Variants in DDR2 observed in about 807,000 individuals in gnomAD.
The protein encoded by DDR2 is discoidin domain-containing receptor 2.
In DDR2, 27 loss-of-function variants were observed where a neutral mutation model predicts 94.9. The ratio of observed to expected loss-of-function variants is 0.28; its 90% CI spans 0.21 to 0.39. DDR2 has a LOEUF of 0.39. Ranked by LOEUF, DDR2 falls within the 10% of genes least tolerant of loss-of-function variation. The pLI is 1.00. For missense variants in DDR2, 783 were observed against 1,076.0 expected, an observed-to-expected ratio of 0.73 and a Z score of 3.81; for synonymous variants, 382 against 377.2, an observed-to-expected ratio of 1.01 and a Z score of -0.15.
At chr1:162,750,016 G>T (rs1663100466) in intron 3 of DDR2, among the ~76,000 whole-genome samples, 1 of 151,776 alleles carries the variant, frequency 6.6e-6, no homozygotes, top group Non-Finnish European at 1.5e-5. Flanking sequence ...AGCTATTTAT[G>T]ACAAACGCAC....
rs189470987 is a variant in DDR2, at chr1:162,636,569, C to T, written c.-192+3938C>T. ...CATGTGATAAATAGAACTTCAGATG[C>T]GTGATGTAGTGAAAAGAACATGTAG... On this transcript the variant is annotated intron_variant, in intron 1 of 17. Transcript: ENST00000367921. Among the ~76,000 whole-genome samples, 20 of 152,226 alleles carry T rather than the reference C, an allele frequency of 1.3e-4. No individual in the cohort carries two copies. In the East Asian group the frequency reaches 2.3e-3, roughly 18 times the overall value.
intron 3 of DDR2, among the ~76,000 whole-genome samples, chr1:162,740,082 A>AT (rs1295934989): frequency 6.6e-6 from 1 of 152,036 alleles, no homozygotes; most frequent in Non-Finnish European, 1.5e-5. Context: ...TTAAATAAAT[A>AT]TTTTTAAATA....
chr1:162,756,118 G>A (rs1663453581), intron 7 of DDR2, among the ~76,000 whole-genome samples: 1 of 152,138 alleles, frequency 6.6e-6, no homozygotes. Flanking sequence ...AAGGGCCAGA[G>A]AATTGAAGTA....
intron 2 of DDR2, among the ~76,000 whole-genome samples, chr1:162,698,103 A>T (rs561338419): frequency 1.3e-5 from 2 of 152,340 alleles, no homozygotes; most frequent in South Asian, 2.1e-4. Context: ...CTGCTTATCT[A>T]TCTGCAGCAA....
chr1:162,758,517 T>A (rs1227768866), intron 7 of DDR2, among the ~76,000 whole-genome samples: 2 of 152,180 alleles, frequency 1.3e-5, no homozygotes, highest in Admixed American at 6.5e-5. Flanking sequence ...TGGGATTTAT[T>A]TTTCTGAGGA....
At chr1:162,681,722 C>G (rs1448731750) in intron 2 of DDR2, among the ~76,000 whole-genome samples, 3 of 152,066 alleles carry the variant, frequency 2.0e-5, no homozygotes. Flanking sequence ...CTAGTCTTAT[C>G]CACAAGAGCT....
At chr1:162,698,580 A>T (rs1660294098) in intron 2 of DDR2, among the ~76,000 whole-genome samples, 1 of 152,110 alleles carries the variant, frequency 6.6e-6, no homozygotes, top group Non-Finnish European at 1.5e-5. Context: ...CTGGGTTGAA[A>T]TCTAGCACTA....
chr1:162,744,207 T>C (rs2333), intron 3 of DDR2, among the ~76,000 whole-genome samples: 124,249 of 151,888 alleles, frequency 0.82, 52,183 homozygotes, highest in Non-Finnish European at 0.92. Flanking sequence ...AAGTGTAATA[T>C]ACCGTATCGT....
intron 2 of DDR2, among the ~76,000 whole-genome samples, chr1:162,708,382 TA>T (rs1367419610): frequency 6.6e-6 from 1 of 152,164 alleles, no homozygotes; most frequent in Non-Finnish European, 1.5e-5. Flanking sequence ...GCACTAAAAG[TA>T]AGCAGCCCTT....
rs542741243 is a variant in DDR2 at position 162,676,356 on chromosome 1, A to G, written c.-28+20982A>G. ...TTCTCCCTCCTTATGCCCACACAGCACTTTCCTCTACAACAATTGTTACAC... is the reference window on the plus strand; with the variant it reads ...TTCTCCCTCCTTATGCCCACACAGCGCTTTCCTCTACAACAATTGTTACAC... On this transcript the variant is annotated intron_variant, in intron 2 of 17. Coordinates refer to ENST00000367921, the MANE Select transcript of DDR2 (RefSeq NM_006182.4). Among the ~76,000 whole-genome samples the G allele has an allele frequency of 2.2e-4, 33 of 152,240 alleles. No homozygotes were observed. The South Asian group carries it at 6.8e-3, about 32-fold the overall frequency.
chr1:162,642,919 TC>T (rs1396614471), intron 1 of DDR2, among the ~76,000 whole-genome samples: 1 of 152,232 alleles, frequency 6.6e-6, no homozygotes, highest in Non-Finnish European at 1.5e-5. Context: ...TGAAAAATTT[TC>T]TAAGCCTTTT....
At chr1:162,753,705 C>G (rs1462203742) in intron 4 of DDR2, among the ~76,000 whole-genome samples, 1 of 152,158 alleles carries the variant, frequency 6.6e-6, no homozygotes, top group East Asian at 1.9e-4. Context: ...GAAGGGCCAT[C>G]CTTGCCAACA....
At chr1:162,712,178 T>G (rs1660947654) in intron 2 of DDR2, among the ~76,000 whole-genome samples, 2 of 149,510 alleles carry the variant, frequency 1.3e-5, no homozygotes, top group South Asian at 4.4e-4. Flanking sequence ...TATGGTGTCA[T>G]GTGTGTACAA....
At chr1:162,673,690 A>T (rs1196021463) in intron 2 of DDR2, among the ~76,000 whole-genome samples, 4 of 151,726 alleles carry the variant, frequency 2.6e-5, no homozygotes, top group Non-Finnish European at 5.9e-5. Context: ...ACTCTCAATG[A>T]TTCAGATCTC....
intron 1 of DDR2, among the ~76,000 whole-genome samples, chr1:162,651,313 T>C (rs1262994536): frequency 6.6e-6 from 1 of 152,238 alleles, no homozygotes; most frequent in East Asian, 1.9e-4. Context: ...GTTCCTGTCC[T>C]CCCACCAACT....
chr1:162,767,135 AC>A (rs1664033973), intron 10 of DDR2, 93 bp from the exon 11 acceptor site: 7 of 1,573,788 alleles, frequency 4.4e-6, no homozygotes, highest in Non-Finnish European at 5.2e-6. Context: ...TCCTCAAGGA[AC>A]AGGGTCTACC....
chr1:162,765,793 AAC>A (rs1415897409), intron 9 of DDR2, among the ~76,000 whole-genome samples: 3 of 149,546 alleles, frequency 2.0e-5, no homozygotes, highest in Non-Finnish European at 4.4e-5. Flanking sequence ...TAATATGTGA[AAC>A]AAAAATTTTA....
intron 2 of DDR2, among the ~76,000 whole-genome samples, chr1:162,656,475 G>C (rs1273720635): frequency 6.6e-6 from 1 of 152,012 alleles, no homozygotes; most frequent in Non-Finnish European, 1.5e-5. Flanking sequence ...CTGCTCTTTA[G>C]CTTCCTGGTG....
intron 3 of DDR2, among the ~76,000 whole-genome samples, chr1:162,726,649 G>A (rs958979596): frequency 6.6e-6 from 1 of 152,064 alleles, no homozygotes; most frequent in Non-Finnish European, 1.5e-5. Flanking sequence ...CATGATCATG[G>A]GACTCCAGGA....
Sources: allele counts gnomAD v4.1 joint callset (sites outside exome capture counted in the v4.1 genomes callset), GRCh38; gene constraint gnomAD v4.1.1; transcripts MANE v1.5; gene names NCBI Gene and HGNC (gene_info 2026-07-23, HGNC 2026-07-21).